The following SETD1A variants were observed in gnomAD, a reference collection of about 807,000 sequenced individuals.
The protein encoded by SETD1A is histone-lysine N-methyltransferase SETD1A.
In SETD1A, 29 loss-of-function variants were observed where a neutral mutation model predicts 149.9. That is an observed-to-expected ratio of 0.19 (90% CI 0.14 to 0.26). SETD1A has a LOEUF of 0.26. Among genes scored for constraint, SETD1A ranks in the 10% least tolerant of loss-of-function variants. The probability of loss-of-function intolerance (pLI) is 1.00; values close to 1 mark genes in which losing one functional copy is unlikely to be tolerated. For missense variants in SETD1A, 2,109 were observed against 2,353.1 expected, an observed-to-expected ratio of 0.90 and a Z score of 2.15; for synonymous variants, 1,141 against 968.5, an observed-to-expected ratio of 1.18 and a Z score of -3.31.
intron 10 of SETD1A, among the ~76,000 whole-genome samples, chr16:30,967,797 T>G (rs1360305032): frequency 6.6e-6 from 1 of 152,220 alleles, no homozygotes; most frequent in Non-Finnish European, 1.5e-5. Flanking sequence ...TCTGCTGATT[T>G]ACATTTTCTG....
At position 30,959,240 on chromosome 16, in the gene SETD1A, C is replaced by T. The variant is rs1351131265; in HGVS notation, c.246+54C>T. 7.8e-5 allele frequency: 87 copies of T among 1,110,028 alleles called. No individual in the cohort carries two copies. In the East Asian group the frequency reaches 1.7e-3, roughly 22 times the overall value. The allele number at this position is 1,110,028 out of a possible 1,614,324, so 68.8% of individuals were successfully genotyped here. On this transcript the variant is annotated intron_variant, in intron 3 of 18. Coordinates refer to ENST00000262519, the MANE Select transcript of SETD1A (RefSeq NM_014712.3). Reference sequence around the variant, plus strand: ...TAGTCCTAAGAGGGTGTGGAGGATGCGTCTTGGCACTATAGCTGAATAAAA... The same window carrying T: ...TAGTCCTAAGAGGGTGTGGAGGATGTGTCTTGGCACTATAGCTGAATAAAA...
At chr16:30,976,749 C>T (rs187812220) in intron 13 of SETD1A, among the ~76,000 whole-genome samples, 1 of 152,128 alleles carries the variant, frequency 6.6e-6, no homozygotes, top group East Asian at 1.9e-4. Context: ...TGAAGGGGAT[C>T]ACTGGAGATG....
At chr16:30,968,981 C>T (rs1429639931) in intron 10 of SETD1A, among the ~76,000 whole-genome samples, 3 of 151,296 alleles carry the variant, frequency 2.0e-5, no homozygotes, top group Non-Finnish European at 4.4e-5. Flanking sequence ...TTGCATGCCC[C>T]TGTATAGTCC....
chr16:30,959,210 T>C, intron 3 of SETD1A, 24 bp downstream of exon 3: 1 of 1,454,134 alleles, frequency 6.9e-7, no homozygotes, highest in South Asian at 1.1e-5. Flanking sequence ...GGGCTCCTGG[T>C]GTGGTAGTCC....
In SETD1A at chr16:30,964,823, A is replaced by G; in HGVS notation, c.1081A>G (p.Ser361Gly). 6.2e-7 allele frequency: 1 copy of G among 1,614,030 alleles called. No individual in the cohort carries two copies. Among genetic ancestry groups the G allele is most frequent in the Non-Finnish European group, 8.5e-7 (1 of 1,179,986 alleles). ...TTCCTCCTCGTCCTCTCAGTTTCGT[A>G]GTTCTGATGCAAACTACCCAGCGTA... ...SSSSSSSQFRSSDANYPAYYE... is the reference protein window; with the variant it reads ...SSSSSSSQFRGSDANYPAYYE... Residue 361 changes from serine to glycine, a missense_variant, in exon 7 of 19, where the codon AGT becomes GGT. This residue lies in a region of SETD1A where 410 missense variants were observed against 394.8 expected (regional missense o/e 1.04). Coordinates refer to ENST00000262519, the MANE Select transcript of SETD1A (RefSeq NM_014712.3).
chr16:30,959,352 C>T (rs984864001), intron 3 of SETD1A, among the ~76,000 whole-genome samples, 166 bp downstream of exon 3: 2 of 152,194 alleles, frequency 1.3e-5, no homozygotes, highest in African/African-American at 4.8e-5. Context: ...TACACTTAAT[C>T]TTCCAGAAAG....
rs1011305250 is a variant in SETD1A, at chr16:30,983,345, T to G, written c.4813-290T>G. 1.3e-5 allele frequency among the ~76,000 whole-genome samples: 2 copies of G among 152,190 alleles called. No individual in the cohort carries two copies. Among genetic ancestry groups the G allele is most frequent in the Non-Finnish European group, 1.5e-5 (1 of 68,026 alleles). ...TTGCCCCAGCAGTCCGGGACCCCAC[T>G]GTGACCAGGCAGATGCTCGAAGGAG... On this transcript the variant is annotated intron_variant, in intron 17 of 18. Coordinates refer to ENST00000262519, the MANE Select transcript of SETD1A (RefSeq NM_014712.3). This position sits in a 1 kb window ranked among gnomAD's most constrained non-coding sequence, Gnocchi z 6.8.
At position 30,965,240 on chromosome 16, in the gene SETD1A, C is replaced by T. The variant is rs776981289; in HGVS notation, c.1498C>T (p.Arg500Cys). 5.6e-6 allele frequency: 9 copies of T among 1,614,082 alleles called. No homozygotes were observed. The highest frequency in any genetic ancestry group is 2.2e-5 in the East Asian group (1 of 44,890). Reference sequence around the variant, plus strand: ...CATCGAGATGCTGCTGAAGGAGCAGCGCTCCAAGTTTTCCTTCTTGGCCTC... The same window carrying T: ...CATCGAGATGCTGCTGAAGGAGCAGTGCTCCAAGTTTTCCTTCTTGGCCTC... The part of the protein sequence containing the change: ...SRIEMLLKEQ[R>C]SKFSFLASDT... The change falls in exon 7 of 19, where the codon CGC (arginine) becomes TGC (cysteine). Residue 500 changes from arginine (R) to cysteine (C), a missense_variant. This residue lies in a region of SETD1A where 23 missense variants were observed against 48.7 expected (regional missense o/e 0.47). Transcript: ENST00000262519.
At chr16:30,970,527 C>T (rs1046935225) in intron 12 of SETD1A, among the ~76,000 whole-genome samples, 2 of 152,176 alleles carry the variant, frequency 1.3e-5, no homozygotes, top group African/African-American at 4.8e-5. Flanking sequence ...CTCGGCCTCC[C>T]AAAGTGCTAG....
Position 30,980,644 on chromosome 16 carries a change from G to C in SETD1A, c.4568G>C (p.Gly1523Ala). ...VCPVSARQLE[G>A]VDTQGTNRVL... ...CCAGTCTCGGCCCGGCAGCTGGAGG[G>C]CGTGGACACTCAGGTGGGCCTAACC... The change falls in exon 15 of 19, where the codon GGC becomes GCC. Residue 1523 changes from glycine to alanine, a missense_variant. Physicochemically the swap from Gly to Ala is moderately conservative, Grantham distance 60. Coordinates refer to ENST00000262519, the MANE Select transcript of SETD1A (RefSeq NM_014712.3). This position sits in a 1 kb window ranked among gnomAD's most constrained non-coding sequence, Gnocchi z 7.7. 2 of 1,613,094 alleles carry C rather than the reference G, an allele frequency of 1.2e-6. No individual in the cohort carries two copies. The highest frequency in any genetic ancestry group is 1.7e-6 in the Non-Finnish European group (2 of 1,179,926).
At position 30,979,991 on chromosome 16, in the gene SETD1A, G is replaced by GGC; in HGVS notation, c.4205_4206insGC (p.Pro1404LeufsTer22). ...CTCCGCTCCCACGCCCGGCGCCGCCGCCCTCCGCCCCCACCCCCGCCGCCA... is the reference window on the plus strand; with the variant it reads ...CTCCGCTCCCACGCCCGGCGCCGCCGGCCCCTCCGCCCCCACCCCCGCCGCCA... On this transcript the variant is annotated frameshift_variant, in exon 14 of 19. Coordinates refer to ENST00000262519, the MANE Select transcript of SETD1A (RefSeq NM_014712.3). LOFTEE classifies it high-confidence loss of function. 7.8e-7 allele frequency: 1 copy of GGC among 1,279,656 alleles called. No homozygotes were observed. The highest frequency in any genetic ancestry group is 1.0e-6 in the Non-Finnish European group (1 of 969,366). 79.3% of individuals were successfully genotyped at this position (1,279,656 alleles called of 1,614,324 possible).
intron 13 of SETD1A, among the ~76,000 whole-genome samples, chr16:30,977,199 C>T (rs1181504905): frequency 1.3e-5 from 2 of 152,232 alleles, no homozygotes; most frequent in East Asian, 3.9e-4. Context: ...CCGCCTCGGC[C>T]TCCCAAAGTG....
Position 30,965,584 on chromosome 16 carries a change from C to T in SETD1A, c.1720-17C>T, listed in dbSNP as rs1344143263. The stretch of plus-strand genomic sequence containing the variant: ...GGTCAGGCAGAAGCCTTCTGTGACC[C>T]TCTTCTGCCCCCGCAGGCTTCTCCA... On this transcript the variant is annotated splice_polypyrimidine_tract_variant and intron_variant, in intron 7 of 18. Coordinates refer to ENST00000262519, the MANE Select transcript of SETD1A (RefSeq NM_014712.3). The T allele has an allele frequency of 6.8e-6, 11 of 1,609,426 alleles. No individual in the cohort carries two copies. The highest frequency in any genetic ancestry group is 1.1e-5 in the South Asian group (1 of 90,668).
chr16:30,968,501 T>C (rs1208481021), intron 10 of SETD1A, among the ~76,000 whole-genome samples: 5 of 150,668 alleles, frequency 3.3e-5, no homozygotes, highest in South Asian at 4.2e-4. Context: ...CACACACATA[T>C]GCGTATCTGT....
intron 12 of SETD1A, among the ~76,000 whole-genome samples, chr16:30,970,388 C>T (rs1373241398): frequency 1.3e-5 from 2 of 152,014 alleles, no homozygotes; most frequent in Non-Finnish European, 2.9e-5. Context: ...CTGCCTCAGC[C>T]TCCCAAAGCG....
In SETD1A at chr16:30,983,351, C is replaced by G. The variant is rs2056406716; in HGVS notation, c.4813-284C>G. Among the ~76,000 whole-genome samples, 1 of 152,222 alleles carries G rather than the reference C, an allele frequency of 6.6e-6. No homozygotes were observed. The highest frequency in any genetic ancestry group is 1.5e-5 in the Non-Finnish European group (1 of 68,040). On this transcript the variant is annotated intron_variant, in intron 17 of 18. Coordinates refer to ENST00000262519, the MANE Select transcript of SETD1A (RefSeq NM_014712.3). This position sits in a 1 kb window ranked among gnomAD's most constrained non-coding sequence, Gnocchi z 6.8. ...CAGCAGTCCGGGACCCCACTGTGAC[C>G]AGGCAGATGCTCGAAGGAGTCAGTG...
At chr16:30,981,215 G>C in intron 17 of SETD1A, 35 bp downstream of exon 17, 1 of 1,612,028 alleles carries the variant, frequency 6.2e-7, no homozygotes. Flanking sequence ...CCCGGCTTCT[G>C]ATGCAACAAG....
In SETD1A at chr16:30,969,421, A is replaced by G; in HGVS notation, c.2887A>G (p.Ser963Gly). ...GKHRKSFALD[S>G]EGEEASQESS... ...GCACCGCAAGTCCTTTGCTCTGGAC[A>G]GCGAAGGGGAGGAGGCATCCCAGGA... The change falls in exon 11 of 19, where the codon AGC (serine) becomes GGC (glycine). Residue 963 changes from serine (S) to glycine (G), a missense_variant. Around this residue, in one of 8 missense-constraint regions of SETD1A, gnomAD observed 832 missense variants for 815.6 expected, o/e 1.02. Transcript: ENST00000262519. The G allele has an allele frequency of 6.2e-7, 1 of 1,613,778 alleles. No homozygotes were observed. The highest frequency in any genetic ancestry group is 8.5e-7 in the Non-Finnish European group (1 of 1,179,804).
chr16:30,976,115 A>C (rs1383801163), intron 13 of SETD1A, among the ~76,000 whole-genome samples: 2 of 151,922 alleles, frequency 1.3e-5, no homozygotes, highest in Non-Finnish European at 2.9e-5. Flanking sequence ...AGTGGAGAAA[A>C]GTTGCTCCAG....
Sources: gnomAD v4.1 joint callset for allele counts (sites outside exome capture counted in the v4.1 genomes callset) on GRCh38, gnomAD v4.1.1 for gene constraint, gnomAD v4.1.1 regional missense constraint, Gnocchi (gnomAD v3.1) non-coding constraint, MANE v1.5 for transcripts, NCBI Gene and HGNC (gene_info 2026-07-23, HGNC 2026-07-21) for gene names.